Variants in LRP12 observed in about 807,000 individuals in gnomAD.
The protein encoded by LRP12 is low-density lipoprotein receptor-related protein 12.
In LRP12, 14 loss-of-function variants were observed where a neutral mutation model predicts 66.0. That is an observed-to-expected ratio of 0.21 (90% CI 0.14 to 0.33). LRP12 has a LOEUF of 0.33. LRP12 is among the 10% of genes least tolerant of loss of function. The probability of loss-of-function intolerance (pLI) is 1.00; values close to 1 mark genes in which losing one functional copy is unlikely to be tolerated. For missense variants in LRP12, 889 were observed against 1,053.4 expected, an observed-to-expected ratio of 0.84 and a Z score of 2.16; for synonymous variants, 357 against 359.1, an observed-to-expected ratio of 0.99 and a Z score of 0.07.
intron 1 of LRP12, among the ~76,000 whole-genome samples, chr8:104,546,035 GTA>G (rs1564140813): frequency 6.6e-6 from 1 of 152,160 alleles, no homozygotes. Flanking sequence ...TAGGAGAAGA[GTA>G]TATTGGACTA....
intron 1 of LRP12, among the ~76,000 whole-genome samples, chr8:104,572,789 T>C (rs1343546831): frequency 1.3e-5 from 2 of 152,172 alleles, no homozygotes; most frequent in African/African-American, 4.8e-5. Flanking sequence ...TTAGAGTTAT[T>C]TCCCCAAAGG....
chr8:104,553,557 C>T (rs1259364496), intron 1 of LRP12, among the ~76,000 whole-genome samples: 1 of 152,176 alleles, frequency 6.6e-6, no homozygotes, highest in Non-Finnish European at 1.5e-5. Flanking sequence ...TTGAGAACTA[C>T]ACCTTCATTC....
At chr8:104,499,781 T>C (rs949241831) in intron 3 of LRP12, among the ~76,000 whole-genome samples, 1 of 152,072 alleles carries the variant, frequency 6.6e-6, no homozygotes, top group Non-Finnish European at 1.5e-5. Flanking sequence ...AGGTGACAGT[T>C]GGCACCTTTT....
intron 1 of LRP12, among the ~76,000 whole-genome samples, chr8:104,533,390 A>G (rs971835861): frequency 6.6e-6 from 1 of 152,136 alleles, no homozygotes; most frequent in South Asian, 2.1e-4. Context: ...AGGTCAGTAT[A>G]AACTGCCTAA....
chr8:104,513,917 C>A (rs997488231), intron 2 of LRP12, among the ~76,000 whole-genome samples: 1 of 152,158 alleles, frequency 6.6e-6, no homozygotes, highest in African/African-American at 2.4e-5. Flanking sequence ...ATTCTAACCT[C>A]AAATTCAACA....
chr8:104,523,343 AAG>A (rs1305851943), intron 2 of LRP12, among the ~76,000 whole-genome samples: 3 of 152,190 alleles, frequency 2.0e-5, no homozygotes, highest in African/African-American at 7.2e-5. Flanking sequence ...ACCTATTATA[AAG>A]AGTTAGAATT....
chr8:104,557,726 C>T (rs145801934), intron 1 of LRP12, among the ~76,000 whole-genome samples: 1 of 152,150 alleles, frequency 6.6e-6, no homozygotes, highest in African/African-American at 2.4e-5. Flanking sequence ...AAGCAATTCC[C>T]ATCAAAATAC....
chr8:104,503,200 AC>A (rs949589059), intron 3 of LRP12, among the ~76,000 whole-genome samples: 9 of 151,530 alleles, frequency 5.9e-5, no homozygotes, highest in African/African-American at 1.9e-4. Context: ...GTTTTTACAC[AC>A]CTGTAATCCC....
chr8:104,566,074 G>T (rs200630137), intron 1 of LRP12: 24 of 219,344 alleles, frequency 1.1e-4, no homozygotes, highest in East Asian at 9.5e-5. Context: ...TCATTGGCTT[G>T]TTGGCACTGT....
intron 1 of LRP12, among the ~76,000 whole-genome samples, chr8:104,575,900 A>G (rs1196940560): frequency 6.6e-6 from 1 of 152,190 alleles, no homozygotes; most frequent in Admixed American, 6.5e-5. Flanking sequence ...GAACTGACAG[A>G]CAACAGCCAC....
At chr8:104,528,216 G>A (rs747721865) in intron 2 of LRP12, among the ~76,000 whole-genome samples, 1 of 152,186 alleles carries the variant, frequency 6.6e-6, no homozygotes, top group Non-Finnish European at 1.5e-5. Context: ...AGGGCACTGA[G>A]CACCGGCAAA....
intron 1 of LRP12, among the ~76,000 whole-genome samples, chr8:104,562,570 TTA>T (rs1370199556): frequency 2.6e-5 from 4 of 152,188 alleles, no homozygotes; most frequent in Non-Finnish European, 5.9e-5. Context: ...CATTTTATTT[TTA>T]TGTCTTTATT....
At chr8:104,586,938 G>A (rs1389604706) in intron 1 of LRP12, among the ~76,000 whole-genome samples, 2 of 152,042 alleles carry the variant, frequency 1.3e-5, no homozygotes, top group Non-Finnish European at 2.9e-5. Flanking sequence ...TTGGAAAAAG[G>A]AGTTTCAGTC....
intron 4 of LRP12, 74 bp from the exon 5 acceptor site, chr8:104,498,150 A>C: frequency 7.5e-7 from 1 of 1,327,620 alleles, no homozygotes; most frequent in Non-Finnish European, 1.0e-6. Flanking sequence ...ATAAAACAGC[A>C]AGTGATATTT....
In LRP12 at chr8:104,588,959, A is replaced by AGACGACGCC. The variant is rs550024348; in HGVS notation, c.-71_-63dup. 48 of 1,080,612 alleles carry AGACGACGCC rather than the reference A, an allele frequency of 4.4e-5. No individual in the cohort carries two copies. The highest frequency in any genetic ancestry group is 2.2e-4 in the Middle Eastern group (1 of 4,506). 66.9% of individuals were successfully genotyped at this position (1,080,612 alleles called of 1,614,324 possible). A position where few individuals can be genotyped will look rare whatever the true frequency, so the allele number is the denominator to read the frequency against. On this transcript the variant is annotated 5_prime_UTR_variant, in exon 1 of 7. Transcript: ENST00000276654. ...GGAGGAGGGAGGAGAAGCTGGAGGT[A>AGACGACGCC]GACGACGCCGACGCCGCCGCCGCCG...
intron 1 of LRP12, among the ~76,000 whole-genome samples, chr8:104,577,810 CA>C (rs34298645): frequency 1.4e-4 from 16 of 111,124 alleles, no homozygotes; most frequent in Non-Finnish European, 2.1e-4. Flanking sequence ...GACTCCATCT[CA>C]AAAAAAAAAA....
At chr8:104,527,452 AC>A (rs1276251526) in intron 2 of LRP12, among the ~76,000 whole-genome samples, 2 of 151,034 alleles carry the variant, frequency 1.3e-5, no homozygotes, top group Non-Finnish European at 2.9e-5. Context: ...ACAATGATAG[AC>A]TGGATTAAGA....
At position 104,497,246 on chromosome 8, in the gene LRP12, GGTAGT is replaced by G. The variant is rs1810743748; in HGVS notation, c.1301_1305del (p.Asn434ThrfsTer10). The stretch of plus-strand genomic sequence containing the variant: ...TCTGAGCCATTTGGGCAATGATTCT[GGTAGT>G]TGCAGCGATCAGAACGAGGATAACA... On this transcript the variant is annotated frameshift_variant, in exon 5 of 7. Transcript: ENST00000276654. LOFTEE classifies it high-confidence loss of function. The surrounding 1 kb of genome is among the most constrained non-coding windows in gnomAD (Gnocchi z 4.3). 1 of 1,613,852 alleles carries G rather than the reference GGTAGT, an allele frequency of 6.2e-7. No homozygotes were observed. The highest frequency in any genetic ancestry group is 1.3e-5 in the African/African-American group (1 of 74,902).
intron 1 of LRP12, among the ~76,000 whole-genome samples, chr8:104,570,393 A>G (rs2140893620): frequency 6.6e-6 from 1 of 152,348 alleles, no homozygotes; most frequent in South Asian, 2.1e-4. Context: ...ATAAAGCTAC[A>G]GTAATTAAGA....
Sources: allele counts gnomAD v4.1 joint callset (sites outside exome capture counted in the v4.1 genomes callset), GRCh38; gene constraint gnomAD v4.1.1; non-coding constraint Gnocchi (gnomAD v3.1); transcripts MANE v1.5; gene names NCBI Gene and HGNC (gene_info 2026-07-23, HGNC 2026-07-21).